The following CADM1 variants were observed in gnomAD, a reference collection of about 807,000 sequenced individuals.
CADM1 encodes cell adhesion molecule 1.
Under a neutral mutation model 53.1 loss-of-function variants are expected in CADM1, and 15 were observed. The ratio of observed to expected loss-of-function variants is 0.28; its 90% CI spans 0.19 to 0.44. The LOEUF is 0.44. Ranked by LOEUF, CADM1 falls within the 20% of genes least tolerant of loss-of-function variation. The probability of loss-of-function intolerance (pLI) is 1.00; values close to 1 mark genes in which losing one functional copy is unlikely to be tolerated. For synonymous variants in CADM1, 281 were observed against 243.0 expected (o/e 1.16, Z -1.45); for missense variants, 434 against 611.3 (o/e 0.71, Z 3.06).
chr11:115,433,451 C>T (rs767326352), intron 1 of CADM1, among the ~76,000 whole-genome samples: 6 of 152,148 alleles, frequency 3.9e-5, no homozygotes, highest in Non-Finnish European at 8.8e-5. Flanking sequence ...CAAGGGCAAA[C>T]CTTTTTGAGT....
At chr11:115,242,282 G>T (rs573574824) in intron 1 of CADM1, among the ~76,000 whole-genome samples, 1 of 150,942 alleles carries the variant, frequency 6.6e-6, no homozygotes, top group African/African-American at 2.4e-5. Context: ...CAGCAGTGGA[G>T]GCTTAGTATG....
chr11:115,354,905 T>C (rs528215449), intron 1 of CADM1, among the ~76,000 whole-genome samples: 4 of 152,214 alleles, frequency 2.6e-5, no homozygotes, highest in Non-Finnish European at 4.4e-5. Flanking sequence ...TTCATCCCAA[T>C]ACATTATAGA....
At chr11:115,339,188 TTCCAATTTCA>T (rs1216312742) in intron 1 of CADM1, among the ~76,000 whole-genome samples, 5 of 151,842 alleles carry the variant, frequency 3.3e-5, no homozygotes, top group African/African-American at 4.8e-5. Context: ...GAATGATGGT[TTCCAATTTCA>T]TCCATGTCCC....
chr11:115,237,025 T>C (rs1942032860), intron 3 of CADM1, among the ~76,000 whole-genome samples: 1 of 152,214 alleles, frequency 6.6e-6, no homozygotes, highest in African/African-American at 2.4e-5. Context: ...ACTGTCACTT[T>C]TGTGGAAATG....
chr11:115,420,248 A>C (rs1462853167), intron 1 of CADM1, among the ~76,000 whole-genome samples: 1 of 152,214 alleles, frequency 6.6e-6, no homozygotes, highest in East Asian at 1.9e-4. Context: ...TCCACACAGG[A>C]GATCACCACA....
intron 6 of CADM1, among the ~76,000 whole-genome samples, chr11:115,217,082 G>GT (rs1941218756): frequency 6.6e-6 from 1 of 151,984 alleles, no homozygotes; most frequent in East Asian, 1.9e-4. Flanking sequence ...TCCTCAACTT[G>GT]TTTTTTTCTT....
At chr11:115,451,283 A>T (rs1196502539) in intron 1 of CADM1, among the ~76,000 whole-genome samples, 1 of 152,216 alleles carries the variant, frequency 6.6e-6, no homozygotes, top group African/African-American at 2.4e-5. Flanking sequence ...CACTTATTTT[A>T]TATTACGATT....
intron 1 of CADM1, among the ~76,000 whole-genome samples, chr11:115,241,975 T>G (rs1379918904): frequency 6.6e-6 from 1 of 151,902 alleles, no homozygotes. Context: ...ATCCTTTTTT[T>G]TTTTTTTTCC....
chr11:115,294,610 T>C lies in CADM1; in HGVS notation c.125-54190A>G, dbSNP rs562968945. Among the ~76,000 whole-genome samples the C allele has an allele frequency of 1.3e-4, 20 of 152,298 alleles. 1 individual carries two copies. In the South Asian group the frequency reaches 4.1e-3, roughly 32 times the overall value. ...GCTTCCTGCCCATTAAATGTGGCTA[T>C]TCTTCTGAGGGTTCTTATAAGGTAA... On this transcript the variant is annotated intron_variant, in intron 1 of 11. Transcript: ENST00000331581.
intron 1 of CADM1, among the ~76,000 whole-genome samples, chr11:115,380,778 C>T (rs553343512): frequency 3.8e-4 from 58 of 152,232 alleles, no homozygotes; most frequent in African/African-American, 1.3e-3. Flanking sequence ...AACTCAGGCA[C>T]TCATTTTGGA....
chr11:115,321,203 T>C (rs951101175), intron 1 of CADM1, among the ~76,000 whole-genome samples: 1 of 152,232 alleles, frequency 6.6e-6, no homozygotes, highest in Non-Finnish European at 1.5e-5. Context: ...AGTCTATCCC[T>C]TAACAATGAA....
At chr11:115,211,768 C>T (rs1463271087) in intron 7 of CADM1, among the ~76,000 whole-genome samples, 2 of 151,828 alleles carry the variant, frequency 1.3e-5, no homozygotes, top group Non-Finnish European at 2.9e-5. Context: ...AGATTACAGG[C>T]GTGAGCCACC....
intron 1 of CADM1, among the ~76,000 whole-genome samples, chr11:115,383,162 T>C (rs1946620003): frequency 6.6e-6 from 1 of 152,196 alleles, no homozygotes; most frequent in Admixed American, 6.5e-5. Context: ...CTGCATCATG[T>C]CAAAATTTAT....
intron 7 of CADM1, among the ~76,000 whole-genome samples, chr11:115,211,956 A>G (rs1940986004): frequency 6.6e-6 from 1 of 152,234 alleles, no homozygotes; most frequent in Admixed American, 6.5e-5. Context: ...AGTCCCTCCC[A>G]TTTTGTGCAA....
intron 1 of CADM1, among the ~76,000 whole-genome samples, chr11:115,323,457 G>T (rs45467696): frequency 2.3e-3 from 353 of 152,152 alleles, no homozygotes; most frequent in Middle Eastern, 0.017. Context: ...TGGGGTGCAG[G>T]GAAAGTAGAT....
intron 1 of CADM1, among the ~76,000 whole-genome samples, chr11:115,461,118 C>CAA (rs1297271694): frequency 7.2e-5 from 11 of 152,048 alleles, no homozygotes; most frequent in Non-Finnish European, 1.5e-4. Flanking sequence ...AATGGAAACA[C>CAA]ACACACACAC....
chr11:115,319,857 T>G (rs1056667953), intron 1 of CADM1, among the ~76,000 whole-genome samples: 1 of 152,204 alleles, frequency 6.6e-6, no homozygotes, highest in African/African-American at 2.4e-5. Flanking sequence ...ATTAACATCT[T>G]ACCAATTTTA....
At chr11:115,490,461 C>T (rs918410708) in intron 1 of CADM1, among the ~76,000 whole-genome samples, 2 of 138,632 alleles carry the variant, frequency 1.4e-5, no homozygotes, top group East Asian at 2.1e-4. Flanking sequence ...TGCAGGGGTG[C>T]GATCTCAGCT....
chr11:115,332,686 C>G lies in CADM1; in HGVS notation c.125-92266G>C, dbSNP rs948762383. Among the ~76,000 whole-genome samples the G allele has an allele frequency of 3.3e-5, 5 of 152,102 alleles. No individual in the cohort carries two copies. The South Asian group carries it at 1.0e-3, about 32-fold the overall frequency. On this transcript the variant is annotated intron_variant, in intron 1 of 11. Transcript: ENST00000331581. ...GATCATATTGATTATAGGGGAGTAC[C>G]CTTAACCCATCCTTTGCTTGACGCC...
Sources: allele counts gnomAD v4.1 joint callset (sites outside exome capture counted in the v4.1 genomes callset), GRCh38; gene constraint gnomAD v4.1.1; transcripts MANE v1.5; gene names NCBI Gene and HGNC (gene_info 2026-07-23, HGNC 2026-07-21).